Variants in ASIC2 observed in about 807,000 individuals in gnomAD.
The protein encoded by ASIC2 is acid sensing ion channel subunit 2.
Under a neutral mutation model 57.3 loss-of-function variants are expected in ASIC2, and 25 were observed. The observed-to-expected ratio is 0.44, with a 90% CI of 0.32 to 0.61. The LOEUF is 0.61. Ranked by LOEUF, ASIC2 falls within the 20% of genes least tolerant of loss-of-function variation. The pLI, the probability that ASIC2 is intolerant of heterozygous loss-of-function variation, is 0.06. For missense variants in ASIC2, 641 were observed against 738.1 expected (o/e 0.87, Z 1.52); for synonymous variants, 319 against 307.5 (o/e 1.04, Z -0.39).
At chr17:33,839,018 G>T (rs1913350004) in intron 1 of ASIC2, among the ~76,000 whole-genome samples, 1 of 152,196 alleles carries the variant, frequency 6.6e-6, no homozygotes, top group Non-Finnish European at 1.5e-5. Flanking sequence ...CCCAGGTGAT[G>T]CCAATGCTGC....
At chr17:33,763,500 C>G (rs903958826) in intron 1 of ASIC2, among the ~76,000 whole-genome samples, 4 of 152,088 alleles carry the variant, frequency 2.6e-5, no homozygotes, top group Non-Finnish European at 5.9e-5. Flanking sequence ...GGATGGATTG[C>G]GTTATCTATT....
chr17:33,381,652 T>A (rs1909493292), intron 1 of ASIC2, among the ~76,000 whole-genome samples: 1 of 151,934 alleles, frequency 6.6e-6, no homozygotes, highest in Non-Finnish European at 1.5e-5. Context: ...GAGGAGAAAA[T>A]GAGAAAAAGT....
intron 1 of ASIC2, among the ~76,000 whole-genome samples, chr17:34,148,378 A>G (rs10512461): frequency 0.2 from 29,799 of 152,222 alleles, 3,601 homozygotes; most frequent in East Asian, 0.37. Context: ...TTAAAGTTCT[A>G]AACTGGAAGA....
intron 1 of ASIC2, among the ~76,000 whole-genome samples, chr17:33,219,380 G>T (rs1429910745): frequency 6.6e-6 from 1 of 152,158 alleles, no homozygotes; most frequent in African/African-American, 2.4e-5. Flanking sequence ...TACACTTAAT[G>T]CCTATGAGGT....
At chr17:34,002,755 T>C (rs1906386829) in intron 1 of ASIC2, 1 of 152,260 alleles carries the variant, frequency 6.6e-6, no homozygotes, top group Non-Finnish European at 1.5e-5. Flanking sequence ...TTCTTTTGAT[T>C]GAATTCTCTT....
chr17:33,408,970 T>C (rs1910562336), intron 1 of ASIC2, among the ~76,000 whole-genome samples: 2 of 152,154 alleles, frequency 1.3e-5, no homozygotes, highest in Admixed American at 6.5e-5. Flanking sequence ...TCCCAGACCC[T>C]TGGGGGGCTG....
At chr17:33,947,785 A>G (rs1674800489) in intron 1 of ASIC2, among the ~76,000 whole-genome samples, 1 of 152,192 alleles carries the variant, frequency 6.6e-6, no homozygotes, top group African/African-American at 2.4e-5. Context: ...AGGACCATCA[A>G]ATTGCAGCTA....
rs183957515 is a variant in ASIC2, at chr17:33,761,240, T to C, written c.555+394738A>G. 4.3e-4 allele frequency among the ~76,000 whole-genome samples: 65 copies of C among 152,236 alleles called. 1 individual carries two copies. The highest frequency in any genetic ancestry group is 1.4e-3 in the African/African-American group (57 of 41,550). ...TTCTCAGATGTCACAGTTTAAGAGATTTTGTTGGATGGATTGAGTAATTTT... is the reference window on the plus strand; with the variant it reads ...TTCTCAGATGTCACAGTTTAAGAGACTTTGTTGGATGGATTGAGTAATTTT... On this transcript the variant is annotated intron_variant, in intron 1 of 9. Transcript: ENST00000359872.
intron 1 of ASIC2, among the ~76,000 whole-genome samples, chr17:34,009,650 A>C (rs560277819): frequency 6.6e-6 from 1 of 152,290 alleles, no homozygotes; most frequent in South Asian, 2.1e-4. Context: ...GCTCTGAGGG[A>C]AGTAAGTACC....
chr17:33,341,412 G>A (rs1052391534), intron 1 of ASIC2, among the ~76,000 whole-genome samples: 1 of 152,158 alleles, frequency 6.6e-6, no homozygotes, highest in Non-Finnish European at 1.5e-5. Context: ...TTTAAATCAG[G>A]AGTTGGCAAA....
chr17:34,114,402 G>A (rs909704959), intron 1 of ASIC2, among the ~76,000 whole-genome samples: 3 of 152,106 alleles, frequency 2.0e-5, no homozygotes, highest in African/African-American at 7.2e-5. Flanking sequence ...CTGTGAGGGT[G>A]AGAGAGAGAG....
intron 1 of ASIC2, among the ~76,000 whole-genome samples, chr17:33,646,139 T>C (rs1313566554): frequency 6.6e-6 from 1 of 152,076 alleles, no homozygotes; most frequent in Non-Finnish European, 1.5e-5. Flanking sequence ...ACCCCAAATT[T>C]TAAAGAAACA....
At chr17:33,506,310 G>C (rs12939702) in intron 1 of ASIC2, among the ~76,000 whole-genome samples, 13 of 151,860 alleles carry the variant, frequency 8.6e-5, no homozygotes, top group African/African-American at 2.9e-4. Flanking sequence ...CTACTCGGGA[G>C]GCTGAGGCCG....
chr17:33,318,980 A>G (rs908509781), intron 1 of ASIC2, among the ~76,000 whole-genome samples: 1 of 152,192 alleles, frequency 6.6e-6, no homozygotes, highest in Non-Finnish European at 1.5e-5. Context: ...CTAAAATGGC[A>G]GGCCATTAAA....
chr17:33,556,105 A>C (rs991082237), intron 1 of ASIC2, among the ~76,000 whole-genome samples: 1 of 152,362 alleles, frequency 6.6e-6, no homozygotes, highest in East Asian at 1.9e-4. Context: ...CAGCAGCTTC[A>C]TCATGAGGTA....
intron 1 of ASIC2, among the ~76,000 whole-genome samples, chr17:33,881,791 C>T (rs1245545330): frequency 6.6e-6 from 1 of 152,170 alleles, no homozygotes; most frequent in East Asian, 1.9e-4. Flanking sequence ...AAAAAAAGCC[C>T]TCATTGCCAA....
intron 1 of ASIC2, among the ~76,000 whole-genome samples, chr17:33,228,313 G>A (rs1907960973): frequency 6.6e-6 from 1 of 152,160 alleles, no homozygotes; most frequent in Non-Finnish European, 1.5e-5. Context: ...GAAAAACGAT[G>A]GTGAATTTTA....
intron 1 of ASIC2, among the ~76,000 whole-genome samples, chr17:33,999,299 T>A (rs1315571805): frequency 1.3e-5 from 2 of 152,056 alleles, no homozygotes; most frequent in African/African-American, 4.8e-5. Context: ...GTTGGGTCTT[T>A]AAAAAAAATC....
At chr17:33,386,463 C>G (rs966963571) in intron 1 of ASIC2, among the ~76,000 whole-genome samples, 2 of 152,228 alleles carry the variant, frequency 1.3e-5, no homozygotes, top group African/African-American at 4.8e-5. Flanking sequence ...CTTGCCATCT[C>G]TCTCTGCCTT....
Sources: gnomAD v4.1 joint callset for allele counts (sites outside exome capture counted in the v4.1 genomes callset) on GRCh38, gnomAD v4.1.1 for gene constraint, MANE v1.5 for transcripts, NCBI Gene and HGNC (gene_info 2026-07-23, HGNC 2026-07-21) for gene names.